The following LRRC37A2 variants were observed in gnomAD, a reference collection of about 807,000 sequenced individuals.
LRRC37A2 encodes the protein leucine rich repeat containing 37 member A2, also known as leucine-rich repeat-containing protein 37A2.
A neutral mutation model predicts 68.8 loss-of-function variants in LRRC37A2; 9 were observed. The observed-to-expected ratio is 0.13, with a 90% confidence interval of 0.08 to 0.23. The LOEUF (loss-of-function observed/expected upper bound fraction) is 0.23, where lower values mean the gene tolerates loss of function less well. Ranked by LOEUF, LRRC37A2 falls within the 10% of genes least tolerant of loss-of-function variation. LRRC37A2 has a pLI of 1.00. For synonymous variants in LRRC37A2, 63 were observed against 367.6 expected (o/e 0.17, Z 9.48); for missense variants, 168 against 950.4 (o/e 0.18, Z 10.82).
the LRRC37A2 span, among the ~76,000 whole-genome samples, chr17:46,766,252 A>T: frequency 6.6e-6 from 1 of 152,096 alleles, no homozygotes. Context: ...TACTAAAAAT[A>T]AAAAAATTAG....
the LRRC37A2 span, chr17:46,964,009 C>T: frequency 1.3e-5 from 2 of 152,192 alleles, no homozygotes; most frequent in East Asian, 3.9e-4. Flanking sequence ...TAGAGGGTCT[C>T]ACTTTGTTGC....
At chr17:46,741,418 A>G in the LRRC37A2 span, among the ~76,000 whole-genome samples, 1 of 152,006 alleles carries the variant, frequency 6.6e-6, no homozygotes, top group Non-Finnish European at 1.5e-5. Context: ...TCCCCCCCTT[A>G]TTGTCTTCTG....
chr17:46,869,278 T>A, the LRRC37A2 span, among the ~76,000 whole-genome samples: 1 of 152,126 alleles, frequency 6.6e-6, no homozygotes, highest in African/African-American at 2.4e-5. Context: ...AGATGAAATT[T>A]AAAAAACAGA....
the LRRC37A2 span, chr17:47,019,457 A>G: frequency 6.2e-7 from 1 of 1,605,656 alleles, no homozygotes; most frequent in South Asian, 1.1e-5. Flanking sequence ...GGCTTGCCAT[A>G]ACTCCAGAGC....
chr17:46,709,741 C>G, the LRRC37A2 span, among the ~76,000 whole-genome samples: 1 of 152,082 alleles, frequency 6.6e-6, no homozygotes, highest in African/African-American at 2.4e-5. Context: ...GTGATCCACC[C>G]GCCTCAGCCT....
chr17:46,935,125 CA>C, the LRRC37A2 span: 3 of 1,613,858 alleles, frequency 1.9e-6, no homozygotes, highest in Non-Finnish European at 2.5e-6. Flanking sequence ...TTTAGATGGG[CA>C]CAATATTTTA....
At chr17:47,041,452 CTTTTTTTTTT>C in the LRRC37A2 span, among the ~76,000 whole-genome samples, 2 of 36,478 alleles carry the variant, frequency 5.5e-5, no homozygotes, top group African/African-American at 1.1e-4. Flanking sequence ...TTGGATGTCT[CTTTTTTTTTT>C]TTTTTTTTTT....
the LRRC37A2 span, among the ~76,000 whole-genome samples, chr17:46,611,651 TG>T: frequency 6.8e-6 from 1 of 146,568 alleles, no homozygotes; most frequent in Non-Finnish European, 1.5e-5. Flanking sequence ...CAAATGTTGC[TG>T]GGGCAACTGG....
At chr17:46,864,536 C>T in the LRRC37A2 span, among the ~76,000 whole-genome samples, 1 of 152,192 alleles carries the variant, frequency 6.6e-6, no homozygotes, top group Non-Finnish European at 1.5e-5. Context: ...AGCCTTTAAA[C>T]AGAGGGTCTT....
the LRRC37A2 span, among the ~76,000 whole-genome samples, chr17:47,034,359 G>A: frequency 4.6e-4 from 70 of 152,292 alleles, no homozygotes; most frequent in African/African-American, 1.6e-3. Flanking sequence ...AGGAGGAAAA[G>A]AGGATAATAT....
the LRRC37A2 span, chr17:46,769,748 T>G: frequency 6.2e-7 from 1 of 1,604,938 alleles, no homozygotes; most frequent in Non-Finnish European, 8.5e-7. Context: ...GGGGGGCTGC[T>G]CCCTGAAGGG....
the LRRC37A2 span, chr17:46,821,323 G>A: frequency 6.6e-6 from 1 of 152,248 alleles, no homozygotes; most frequent in South Asian, 2.1e-4. Flanking sequence ...CTCAGACAAG[G>A]GGAGCCTGAG....
chr17:46,534,289 A>G (rs1014853687), intron 6 of LRRC37A2, among the ~76,000 whole-genome samples: 20 of 142,336 alleles, frequency 1.4e-4, no homozygotes, highest in Admixed American at 1.2e-3. Context: ...AGGGAAGGTC[A>G]GCAGATAAAC....
the LRRC37A2 span, among the ~76,000 whole-genome samples, chr17:46,994,218 C>G: frequency 0.47 from 70,814 of 151,776 alleles, 17,187 homozygotes; most frequent in Non-Finnish European, 0.54. Flanking sequence ...AACCCCGTCT[C>G]TACTAAAAAT....
the LRRC37A2 span, among the ~76,000 whole-genome samples, chr17:46,655,912 T>TAA: frequency 9.3e-6 from 1 of 107,696 alleles, no homozygotes; most frequent in Non-Finnish European, 1.8e-5. Context: ...AATGAATCTT[T>TAA]AAAAAAAAAA....
the LRRC37A2 span, among the ~76,000 whole-genome samples, chr17:46,847,749 G>A: frequency 2.0e-5 from 3 of 152,208 alleles, no homozygotes; most frequent in East Asian, 5.8e-4. Flanking sequence ...GGAGATTAGA[G>A]GAGAGAGCCA....
the LRRC37A2 span, among the ~76,000 whole-genome samples, chr17:46,823,078 TTATAATAAATATGTATTA>T: frequency 2.7e-3 from 161 of 60,284 alleles, no homozygotes; most frequent in African/African-American, 7.6e-3. Context: ...AAATATGTAT[TTATAATAAATATGTATTA>T]TATAATAAAC....
the LRRC37A2 span, among the ~76,000 whole-genome samples, chr17:46,880,073 C>T: frequency 2.0e-5 from 3 of 152,198 alleles, no homozygotes; most frequent in Non-Finnish European, 4.4e-5. Context: ...AAGTCAGCTG[C>T]GCTGGCAGAC....
the LRRC37A2 span, among the ~76,000 whole-genome samples, chr17:46,718,855 AT>A: frequency 1.3e-3 from 199 of 152,292 alleles, no homozygotes; most frequent in African/African-American, 4.4e-3. Context: ...TTTACTTATT[AT>A]TATACATACA....
Sources: allele counts gnomAD v4.1 joint callset (sites outside exome capture counted in the v4.1 genomes callset), GRCh38; gene constraint gnomAD v4.1.1; transcripts MANE v1.5; gene names NCBI Gene and HGNC (gene_info 2026-07-23, HGNC 2026-07-21).